The following HTR7 variants were observed in gnomAD, a reference collection of about 807,000 sequenced individuals.
HTR7 encodes the protein 5-HT-7.
Under a neutral mutation model 34.0 loss-of-function variants are expected in HTR7, and 16 were observed. The ratio of observed to expected loss-of-function variants is 0.47; its 90% CI spans 0.32 to 0.71. The LOEUF is 0.71. HTR7 is among the 30% of genes least tolerant of loss of function. The pLI is 0.04. For missense variants in HTR7, 504 were observed against 625.5 expected (o/e 0.81, Z 2.07); for synonymous variants, 265 against 260.2 (o/e 1.02, Z -0.18).
chr10:90,751,990 T>A (rs1327573824), intron 1 of HTR7, among the ~76,000 whole-genome samples: 1 of 152,258 alleles, frequency 6.6e-6, no homozygotes, highest in Non-Finnish European at 1.5e-5. Flanking sequence ...ACACTTAGGC[T>A]GACACATTAT....
At chr10:90,815,084 G>GT (rs60659958) in intron 1 of HTR7, among the ~76,000 whole-genome samples, 1,460 of 144,894 alleles carry the variant, frequency 0.01, 12 homozygotes, top group South Asian at 0.02. Flanking sequence ...TTTTTTTTTT[G>GT]TTTTTTTTTT....
chr10:90,746,610 G>A (rs1319694186), intron 2 of HTR7, among the ~76,000 whole-genome samples: 2 of 152,126 alleles, frequency 1.3e-5, no homozygotes, highest in Admixed American at 1.3e-4. Flanking sequence ...AAATAACCTA[G>A]CTATTTGTTC....
intron 1 of HTR7, among the ~76,000 whole-genome samples, chr10:90,818,508 T>C (rs1458672575): frequency 1.3e-5 from 2 of 152,084 alleles, no homozygotes; most frequent in African/African-American, 2.4e-5. Context: ...ATCGCACCAT[T>C]GCACTCCAGC....
intron 2 of HTR7, among the ~76,000 whole-genome samples, chr10:90,747,447 T>C (rs1844658176): frequency 6.6e-6 from 1 of 152,180 alleles, no homozygotes; most frequent in South Asian, 2.1e-4. Context: ...GTGAACAATC[T>C]CGTGTACAAA....
chr10:90,822,772 G>T (rs2120017112), intron 1 of HTR7, among the ~76,000 whole-genome samples: 1 of 152,350 alleles, frequency 6.6e-6, no homozygotes, highest in East Asian at 1.9e-4. Context: ...GCCAGGACCA[G>T]GAACCTGCTG....
intron 1 of HTR7, among the ~76,000 whole-genome samples, chr10:90,756,529 C>T (rs1844834461): frequency 1.3e-5 from 2 of 152,088 alleles, no homozygotes; most frequent in South Asian, 4.1e-4. Flanking sequence ...CAATAAACAA[C>T]TTAAATTCCT....
Position 90,857,808 on chromosome 10 carries a change from C to T in HTR7, c.-137G>A. ...GCCCGCGCCGACCGCTGGGGGGCGC[C>T]TGGCTCTGTCTCGGAGCCCCGCACT... On this transcript the variant is annotated 5_prime_UTR_variant, in exon 1 of 4. Transcript: ENST00000336152. The surrounding 1 kb of genome is among the most constrained non-coding windows in gnomAD (Gnocchi z 6.5). 1.2e-6 allele frequency: 1 copy of T among 825,342 alleles called. No homozygotes were observed. Among genetic ancestry groups the T allele is most frequent in the Non-Finnish European group, 1.6e-6 (1 of 610,510 alleles). 51.1% of individuals were successfully genotyped at this position (825,342 alleles called of 1,614,324 possible).
At chr10:90,815,147 G>A (rs1016511306) in intron 1 of HTR7, among the ~76,000 whole-genome samples, 8 of 151,080 alleles carry the variant, frequency 5.3e-5, no homozygotes, top group Non-Finnish European at 1.2e-4. Flanking sequence ...GCTGAAGTGC[G>A]GTGGTGCGAT....
chr10:90,782,757 T>C (rs771762278), intron 1 of HTR7, among the ~76,000 whole-genome samples: 22 of 152,214 alleles, frequency 1.4e-4, no homozygotes, highest in Non-Finnish European at 2.4e-4. Flanking sequence ...AATTTTCTAA[T>C]ATTTTCTAAT....
rs1315718101 is a variant in HTR7, at chr10:90,857,860, A to G, written c.-189T>C. The stretch of plus-strand genomic sequence containing the variant: ...CCCGGACCCCCGGCCGCTGCGGGTA[A>G]CGCGGCAGCGCGGCCTCACGGGGAC... On this transcript the variant is annotated 5_prime_UTR_variant, in exon 1 of 4. Transcript: ENST00000336152. The surrounding 1 kb of genome is among the most constrained non-coding windows in gnomAD (Gnocchi z 6.5). 6.6e-6 allele frequency among the ~76,000 whole-genome samples: 1 copy of G among 151,400 alleles called. No individual in the cohort carries two copies. Among genetic ancestry groups the G allele is most frequent in the Non-Finnish European group, 1.5e-5 (1 of 67,748 alleles).
intron 2 of HTR7, among the ~76,000 whole-genome samples, chr10:90,747,157 T>C (rs904319197): frequency 3.9e-5 from 6 of 152,194 alleles, no homozygotes; most frequent in African/African-American, 1.4e-4. Context: ...GTGGGGATGC[T>C]AGAAGCACCT....
intron 1 of HTR7, among the ~76,000 whole-genome samples, chr10:90,844,795 G>A (rs1251698911): frequency 6.9e-6 from 1 of 145,938 alleles, no homozygotes; most frequent in Non-Finnish European, 1.5e-5. Context: ...TCTCACTCTG[G>A]CTGCACATTG....
At chr10:90,795,477 A>T (rs1845523900) in intron 1 of HTR7, among the ~76,000 whole-genome samples, 1 of 152,224 alleles carries the variant, frequency 6.6e-6, no homozygotes, top group Admixed American at 6.5e-5. Context: ...AATGAAACAA[A>T]TGATAAAGGT....
At chr10:90,809,784 C>T (rs910740655) in intron 1 of HTR7, among the ~76,000 whole-genome samples, 1 of 152,222 alleles carries the variant, frequency 6.6e-6, no homozygotes, top group Non-Finnish European at 1.5e-5. Flanking sequence ...TGCAGGACCC[C>T]ACTGGAAATC....
intron 1 of HTR7, among the ~76,000 whole-genome samples, chr10:90,828,459 AG>A (rs1263824353): frequency 1.3e-5 from 2 of 152,186 alleles, no homozygotes; most frequent in African/African-American, 2.4e-5. Context: ...ACAAACCTTT[AG>A]CCAAACTAAG....
At chr10:90,821,674 C>T (rs1030424088) in intron 1 of HTR7, among the ~76,000 whole-genome samples, 1 of 152,142 alleles carries the variant, frequency 6.6e-6, no homozygotes, top group Non-Finnish European at 1.5e-5. Context: ...AGGGAATTGA[C>T]GTGGTTTGAT....
intron 1 of HTR7, among the ~76,000 whole-genome samples, chr10:90,793,449 T>C (rs371973767): frequency 6.2e-4 from 80 of 128,460 alleles, no homozygotes; most frequent in Admixed American, 1.1e-3. Context: ...AGTACATCAA[T>C]ATTTCTAATT....
intron 1 of HTR7, among the ~76,000 whole-genome samples, chr10:90,822,515 CTTATG>C (rs992118540): frequency 5.3e-5 from 8 of 152,184 alleles, no homozygotes; most frequent in African/African-American, 2.4e-5. Context: ...GAAACTGGAA[CTTATG>C]TTTAAAAGGG....
intron 1 of HTR7, among the ~76,000 whole-genome samples, chr10:90,855,117 T>C (rs1272440045): frequency 6.6e-6 from 1 of 152,244 alleles, no homozygotes; most frequent in African/African-American, 2.4e-5. Flanking sequence ...TCTTCTAAAA[T>C]AATTTTTAAG....
Sources: gnomAD v4.1 joint callset for allele counts (sites outside exome capture counted in the v4.1 genomes callset) on GRCh38, gnomAD v4.1.1 for gene constraint, Gnocchi (gnomAD v3.1) non-coding constraint, MANE v1.5 for transcripts, NCBI Gene and HGNC (gene_info 2026-07-23, HGNC 2026-07-21) for gene names.